Variants in RASSF8 observed in about 807,000 individuals in gnomAD.
RASSF8 encodes the protein ras association domain-containing protein 8.
A neutral mutation model predicts 48.5 loss-of-function variants in RASSF8; 22 were observed. The observed-to-expected ratio is 0.45, with a 90% CI of 0.32 to 0.65. The LOEUF (loss-of-function observed/expected upper bound fraction) is 0.65, where lower values mean the gene tolerates loss of function less well. Ranked by LOEUF, RASSF8 falls within the 30% of genes least tolerant of loss-of-function variation. The pLI is 0.03. For missense variants in RASSF8, 418 were observed against 489.2 expected, an observed-to-expected ratio of 0.85 and a Z score of 1.37; for synonymous variants, 127 against 171.5, an observed-to-expected ratio of 0.74 and a Z score of 2.03.
intron 2 of RASSF8, among the ~76,000 whole-genome samples, chr12:26,028,576 G>T (rs1221611219): frequency 6.6e-6 from 1 of 152,124 alleles, no homozygotes; most frequent in Admixed American, 6.5e-5. Context: ...TCTAACCTTT[G>T]AATTTTACTT....
chr12:26,003,058 C>T (rs1398571672), intron 2 of RASSF8, among the ~76,000 whole-genome samples: 1 of 152,168 alleles, frequency 6.6e-6, no homozygotes, highest in Non-Finnish European at 1.5e-5. Context: ...CATTCATCTA[C>T]ATTCAGCTAA....
chr12:26,037,787 C>T (rs1259786327), intron 2 of RASSF8, among the ~76,000 whole-genome samples: 1 of 152,168 alleles, frequency 6.6e-6, no homozygotes, highest in African/African-American at 2.4e-5. Flanking sequence ...GGGGAAGCTT[C>T]AGAGGAGTGG....
At position 26,035,866 on chromosome 12, in the gene RASSF8, AATTATAT is replaced by A. The variant is rs973209762; in HGVS notation, c.-108-19353_-108-19347del. Among the ~76,000 whole-genome samples the A allele has an allele frequency of 6.1e-3, 865 of 142,870 alleles. 4 individuals carry two copies. The highest frequency in any genetic ancestry group is 0.02 in the African/African-American group (801 of 40,110). 93.7% of individuals were successfully genotyped at this position (142,870 alleles called of 152,430 possible). A position where few individuals can be genotyped will look rare whatever the true frequency, so the allele number is the denominator to read the frequency against. ...TTATGTATTATATAAAATATAATAAAATTATATATTATATATTATATATAATTATAAT... is the reference window on the plus strand; with the variant it reads ...TTATGTATTATATAAAATATAATAAAATTATATATTATATATAATTATAAT... On this transcript the variant is annotated intron_variant, in intron 2 of 5. Coordinates refer to ENST00000689635, the MANE Select transcript of RASSF8 (RefSeq NM_001394098.1).
intron 2 of RASSF8, among the ~76,000 whole-genome samples, chr12:26,002,797 G>C (rs914855855): frequency 6.6e-6 from 1 of 152,186 alleles, no homozygotes; most frequent in Non-Finnish European, 1.5e-5. Flanking sequence ...GACCTCCAGT[G>C]CTGTGTTGAA....
chr12:26,009,214 A>C (rs897141757), intron 2 of RASSF8, among the ~76,000 whole-genome samples: 5 of 152,234 alleles, frequency 3.3e-5, no homozygotes, highest in African/African-American at 1.2e-4. Context: ...GTTCTTGAAT[A>C]AATTTTAATT....
intron 2 of RASSF8, among the ~76,000 whole-genome samples, chr12:26,042,371 A>G (rs1481467228): frequency 6.6e-6 from 1 of 152,230 alleles, no homozygotes; most frequent in African/African-American, 2.4e-5. Flanking sequence ...TAGATAATTT[A>G]TAAACCAGAA....
chr12:26,058,563 G>C (rs74071686), intron 3 of RASSF8, among the ~76,000 whole-genome samples: 3 of 147,348 alleles, frequency 2.0e-5, no homozygotes, highest in African/African-American at 7.6e-5. Context: ...CACACACACA[G>C]AGTGTATTCT....
At chr12:26,026,684 C>T (rs909353463) in intron 2 of RASSF8, among the ~76,000 whole-genome samples, 1 of 152,178 alleles carries the variant, frequency 6.6e-6, no homozygotes, top group African/African-American at 2.4e-5. Context: ...GATCCGCCCA[C>T]CTCGGCCCCC....
In RASSF8 at chr12:26,064,513, A is replaced by G; in HGVS notation, c.119A>G (p.Tyr40Cys). ...TTTTACATAGGTCGAACTGGAAGGT[A>G]CACCCTTATAGAGAAATGGAGAGAT... is the stretch of plus-strand genomic sequence containing the variant. ...LAQAIGRTGRYTLIEKWRDTE... is the reference protein window; with the variant it reads ...LAQAIGRTGRCTLIEKWRDTE... The change falls in exon 4 of 6, where the codon TAC (tyrosine) becomes TGC (cysteine). Residue 40 changes from tyrosine (Y) to cysteine (C), a missense_variant. Tyr to Cys is a radical substitution (Grantham distance 194, BLOSUM62 -2). Coordinates refer to ENST00000689635, the MANE Select transcript of RASSF8 (RefSeq NM_001394098.1). 5 of 1,572,984 alleles carry G rather than the reference A, an allele frequency of 3.2e-6. No homozygotes were observed. The highest frequency in any genetic ancestry group is 4.3e-6 in the Non-Finnish European group (5 of 1,157,078).
chr12:26,013,955 A>G (rs142757015), intron 2 of RASSF8, among the ~76,000 whole-genome samples: 127 of 152,340 alleles, frequency 8.3e-4, no homozygotes, highest in African/African-American at 2.9e-3. Context: ...TCTAAACCCC[A>G]TCTGAGTAAA....
At position 26,072,379 on chromosome 12, in the gene RASSF8, A is replaced by T. The variant is rs544789575; in HGVS notation, c.*3561A>T. On this transcript the variant is annotated 3_prime_UTR_variant, in exon 6 of 6. Transcript: ENST00000689635. ...TTTACATCTCCAGAATAAGCTTTCG[A>T]TGCCAGGACAGTGACTGCCTGAAAG... 2 of 985,060 alleles carry T rather than the reference A, an allele frequency of 2.0e-6. No individual in the cohort carries two copies. The highest frequency in any genetic ancestry group is 2.4e-6 in the Non-Finnish European group (2 of 829,710). The allele number at this position is 985,060 out of a possible 1,614,324, so 61.0% of individuals were successfully genotyped here.
At chr12:25,970,431 A>G (rs1941460111) in intron 1 of RASSF8, among the ~76,000 whole-genome samples, 1 of 152,134 alleles carries the variant, frequency 6.6e-6, no homozygotes, top group African/African-American at 2.4e-5. Context: ...CACCTTGAGT[A>G]ATTCATCTAG....
At chr12:26,003,122 T>C (rs1942301660) in intron 2 of RASSF8, among the ~76,000 whole-genome samples, 1 of 152,204 alleles carries the variant, frequency 6.6e-6, no homozygotes, top group Non-Finnish European at 1.5e-5. Context: ...ATGTATGGTA[T>C]GTTCCTTCTG....
intron 2 of RASSF8, among the ~76,000 whole-genome samples, chr12:26,050,490 T>TA (rs1477687357): frequency 6.6e-6 from 1 of 152,142 alleles, no homozygotes; most frequent in East Asian, 1.9e-4. Context: ...CTTGGAAAAA[T>TA]ATGCGTCTTG....
Position 26,070,935 on chromosome 12 carries a change from C to T in RASSF8, c.*2117C>T, listed in dbSNP as rs1565651936. 3 of 982,966 alleles carry T rather than the reference C, an allele frequency of 3.1e-6. No homozygotes were observed. Among genetic ancestry groups the T allele is most frequent in the Non-Finnish European group, 3.6e-6 (3 of 827,834 alleles). 60.9% of individuals were successfully genotyped at this position (982,966 alleles called of 1,614,324 possible). A position where few individuals can be genotyped will look rare whatever the true frequency, so the allele number is the denominator to read the frequency against. ...CCTAATAACTTTAAGTAAGGACAAG[C>T]AGCATCCTAGCAACTTGTAGTAGTC... On this transcript the variant is annotated 3_prime_UTR_variant, in exon 6 of 6. Coordinates refer to ENST00000689635, the MANE Select transcript of RASSF8 (RefSeq NM_001394098.1).
At chr12:25,987,226 G>A (rs1178204425) in intron 1 of RASSF8, among the ~76,000 whole-genome samples, 3 of 152,134 alleles carry the variant, frequency 2.0e-5, no homozygotes, top group African/African-American at 7.2e-5. Flanking sequence ...GAGCTACCAC[G>A]CCTGGCCCAG....
At chr12:26,073,729 G>GACTC (rs1211097723), downstream of RASSF8, among the ~76,000 whole-genome samples, 3 of 37,738 alleles carry the variant, frequency 7.9e-5, no homozygotes, top group East Asian at 9.9e-4. Context: ...ACAAAAGCGA[G>GACTC]ACTCTCTCTC....
intron 2 of RASSF8, among the ~76,000 whole-genome samples, chr12:26,034,288 A>G (rs1943085777): frequency 6.6e-6 from 1 of 152,120 alleles, no homozygotes; most frequent in Non-Finnish European, 1.5e-5. Flanking sequence ...GGGCAGGACA[A>G]AATAGCCCTA....
At chr12:26,075,437 G>C (rs950250131), downstream of RASSF8, among the ~76,000 whole-genome samples, 1 of 152,204 alleles carries the variant, frequency 6.6e-6, no homozygotes. Flanking sequence ...AGAATGACAT[G>C]GATTTGGAAG....
Sources: gnomAD v4.1 joint callset for allele counts (sites outside exome capture counted in the v4.1 genomes callset) on GRCh38, gnomAD v4.1.1 for gene constraint, MANE v1.5 for transcripts, NCBI Gene and HGNC (gene_info 2026-07-23, HGNC 2026-07-21) for gene names.